Variants in NRXN3 observed in about 807,000 individuals in gnomAD.
The protein encoded by NRXN3 is neurexin 3.
NRXN3 carries 32 observed loss-of-function variants against 137.6 expected under a neutral mutation model. The observed-to-expected ratio is 0.23, with a 90% CI of 0.18 to 0.31. The LOEUF is 0.31. Ranked by LOEUF, NRXN3 falls within the 10% of genes least tolerant of loss-of-function variation. The pLI is 1.00. For missense variants in NRXN3, 1,574 were observed against 2,062.5 expected (o/e 0.76, Z 4.59); for synonymous variants, 798 against 784.5 (o/e 1.02, Z -0.29).
chr14:79,521,358 C>A (rs967487872), intron 16 of NRXN3, among the ~76,000 whole-genome samples: 1 of 152,034 alleles, frequency 6.6e-6, no homozygotes, highest in African/African-American at 2.4e-5. Context: ...TTTTAGTGCT[C>A]AATATATTTA....
At chr14:78,188,010 C>T (rs2060386065) in intron 1 of NRXN3, among the ~76,000 whole-genome samples, 1 of 152,112 alleles carries the variant, frequency 6.6e-6, no homozygotes, top group Admixed American at 6.5e-5. Flanking sequence ...TAAATTAACA[C>T]ATAGGGAGCA....
intron 19 of NRXN3, among the ~76,000 whole-genome samples, chr14:79,708,981 G>A (rs957363399): frequency 6.6e-6 from 1 of 151,680 alleles, no homozygotes; most frequent in Non-Finnish European, 1.5e-5. Context: ...GTGTGTGTGT[G>A]TGAGAGAGAG....
At chr14:78,762,671 T>C (rs2098696511) in intron 8 of NRXN3, among the ~76,000 whole-genome samples, 2 of 152,174 alleles carry the variant, frequency 1.3e-5, no homozygotes, top group African/African-American at 2.4e-5. Context: ...GTTTCCTCAG[T>C]TGAATAATTA....
chr14:79,777,838 T>C (rs2099101819), intron 19 of NRXN3, among the ~76,000 whole-genome samples: 1 of 151,284 alleles, frequency 6.6e-6, no homozygotes, highest in African/African-American at 2.4e-5. Flanking sequence ...TTTAACAGGC[T>C]CCACACCAAG....
At chr14:79,490,136 C>T (rs2096702047) in intron 16 of NRXN3, among the ~76,000 whole-genome samples, 1 of 148,064 alleles carries the variant, frequency 6.8e-6, no homozygotes. Context: ...AGAATAAAAA[C>T]AGGCTTATAC....
chr14:78,486,739 C>T (rs2095565808), intron 4 of NRXN3, among the ~76,000 whole-genome samples: 2 of 152,136 alleles, frequency 1.3e-5, no homozygotes, highest in African/African-American at 4.8e-5. Context: ...CTGTCCATGA[C>T]TGTGAACTTT....
intron 2 of NRXN3, among the ~76,000 whole-genome samples, chr14:78,265,081 C>T (rs890718056): frequency 2.6e-5 from 4 of 152,164 alleles, no homozygotes; most frequent in South Asian, 2.1e-4. Context: ...TTGCCACTGC[C>T]GTACTCTTTT....
At chr14:79,327,677 T>C (rs931528594) in intron 15 of NRXN3, among the ~76,000 whole-genome samples, 1 of 152,212 alleles carries the variant, frequency 6.6e-6, no homozygotes, top group Non-Finnish European at 1.5e-5. Context: ...TGAATTTCCA[T>C]TGCATATTAT....
intron 1 of NRXN3, among the ~76,000 whole-genome samples, chr14:78,223,447 C>T (rs2064093015): frequency 6.6e-6 from 1 of 152,138 alleles, no homozygotes; most frequent in South Asian, 2.1e-4. Context: ...GAAGGTCATT[C>T]CCCTCCCACC....
chr14:78,674,687 A>C (rs1376287659), intron 6 of NRXN3, among the ~76,000 whole-genome samples: 1 of 152,180 alleles, frequency 6.6e-6, no homozygotes, highest in Non-Finnish European at 1.5e-5. Context: ...CAGTATTTAT[A>C]GACTATTAGG....
rs557822428 is a variant in NRXN3 at position 79,679,946 on chromosome 14, A to G, written c.3617-12227A>G. On this transcript the variant is annotated intron_variant, in intron 17 of 20. Coordinates refer to ENST00000335750, the MANE Select transcript of NRXN3 (RefSeq NM_001330195.2). ...ACTTGAGTTGTAAATCACAGCATTT[A>G]GCAGTGCTAGTTGTCCTTACTTTTG... Among the ~76,000 whole-genome samples the G allele has an allele frequency of 5.9e-5, 9 of 152,278 alleles. No individual in the cohort carries two copies. The East Asian group carries it at 1.7e-3, about 29-fold the overall frequency.
intron 16 of NRXN3, among the ~76,000 whole-genome samples, chr14:79,483,086 A>G (rs2096623939): frequency 6.6e-6 from 1 of 152,220 alleles, no homozygotes; most frequent in South Asian, 2.1e-4. Context: ...GGGGAAAACT[A>G]TAGAAGTCTT....
chr14:79,412,366 G>T (rs1475342964), intron 15 of NRXN3, among the ~76,000 whole-genome samples: 1 of 152,074 alleles, frequency 6.6e-6, no homozygotes, highest in Non-Finnish European at 1.5e-5. Flanking sequence ...CTCTATCTAT[G>T]CTTAGTTTTA....
intron 20 of NRXN3, among the ~76,000 whole-genome samples, chr14:79,860,188 C>A (rs1016194909): frequency 6.6e-6 from 1 of 152,204 alleles, no homozygotes; most frequent in South Asian, 2.1e-4. Context: ...TTTTGCCACA[C>A]TAGTTAGCAA....
chr14:78,663,262 G>A (rs974628940), intron 6 of NRXN3, among the ~76,000 whole-genome samples: 1 of 152,190 alleles, frequency 6.6e-6, no homozygotes, highest in Non-Finnish European at 1.5e-5. Flanking sequence ...TAAACTTACT[G>A]TAAGGAATTG....
chr14:78,699,092 C>T (rs1413939480), intron 6 of NRXN3, among the ~76,000 whole-genome samples: 1 of 152,056 alleles, frequency 6.6e-6, no homozygotes, highest in Non-Finnish European at 1.5e-5. Flanking sequence ...CCTTGAGAGG[C>T]TCCTGGTCTA....
chr14:78,711,692 C>T (rs1018280220), intron 7 of NRXN3, among the ~76,000 whole-genome samples: 7 of 152,066 alleles, frequency 4.6e-5, no homozygotes, highest in African/African-American at 9.7e-5. Flanking sequence ...CAACCCATCT[C>T]GGCCTCCCAA....
chr14:79,530,881 T>C (rs1356333912), intron 16 of NRXN3, among the ~76,000 whole-genome samples: 1 of 152,186 alleles, frequency 6.6e-6, no homozygotes, highest in Non-Finnish European at 1.5e-5. Context: ...ATGGAAAATA[T>C]AGAAATAACA....
At chr14:78,296,436 A>G (rs2076347722) in intron 3 of NRXN3, among the ~76,000 whole-genome samples, 1 of 152,036 alleles carries the variant, frequency 6.6e-6, no homozygotes, top group African/African-American at 2.4e-5. Context: ...ACATTTTAAG[A>G]ACCTTTATTT....
Sources: allele counts gnomAD v4.1 joint callset (sites outside exome capture counted in the v4.1 genomes callset), GRCh38; gene constraint gnomAD v4.1.1; transcripts MANE v1.5; gene names NCBI Gene and HGNC (gene_info 2026-07-23, HGNC 2026-07-21).